SSBP3: variants seen among roughly 807,000 people sequenced by gnomAD.
The protein encoded by SSBP3 is single-stranded DNA-binding protein 3.
Under a neutral mutation model 69.6 loss-of-function variants are expected in SSBP3, and 5 were observed. That is an observed-to-expected ratio of 0.07 (90% CI 0.04 to 0.15). The LOEUF is 0.15. Ranked by LOEUF, SSBP3 falls within the 10% of genes least tolerant of loss-of-function variation. SSBP3 has a pLI of 1.00. For synonymous variants in SSBP3, 196 were observed against 193.4 expected (o/e 1.01, Z -0.11); for missense variants, 312 against 534.0 (o/e 0.58, Z 4.10).
intron 4 of SSBP3, among the ~76,000 whole-genome samples, chr1:54,327,866 T>C (rs1226996478): frequency 6.6e-6 from 1 of 152,202 alleles, no homozygotes; most frequent in Non-Finnish European, 1.5e-5. Context: ...AGGCACGCTC[T>C]AGCTGGGGCT....
At chr1:54,233,702 T>C (rs1302351300) in intron 14 of SSBP3, among the ~76,000 whole-genome samples, 12 of 124,438 alleles carry the variant, frequency 9.6e-5, no homozygotes, top group East Asian at 2.7e-4. Flanking sequence ...CCGCCCCGTC[T>C]GGGAGGGAGG....
intron 4 of SSBP3, among the ~76,000 whole-genome samples, chr1:54,378,744 TGGCCGGCG>T (rs1417815203): frequency 6.6e-6 from 1 of 151,444 alleles, no homozygotes; most frequent in East Asian, 1.9e-4. Context: ...CACTGGTGAG[TGGCCGGCG>T]GGCACAAAGG....
intron 13 of SSBP3, among the ~76,000 whole-genome samples, 155 bp downstream of exon 13, chr1:54,240,750 A>AC (rs1644620524): frequency 6.6e-6 from 1 of 151,794 alleles, no homozygotes; most frequent in South Asian, 2.1e-4. Context: ...TCATCAAGGG[A>AC]CCCCCTGCCC....
At chr1:54,232,637 T>C (rs1040874254) in intron 14 of SSBP3, among the ~76,000 whole-genome samples, 12 of 150,948 alleles carry the variant, frequency 7.9e-5, no homozygotes, top group Non-Finnish European at 1.5e-4. Context: ...CTCCCTCTCA[T>C]GCGGAGCCGA....
chr1:54,256,909 T>C (rs1644931515), intron 7 of SSBP3, among the ~76,000 whole-genome samples: 1 of 152,190 alleles, frequency 6.6e-6, no homozygotes, highest in Non-Finnish European at 1.5e-5. Flanking sequence ...TGGAATGGGC[T>C]GTCCAAAGGG....
At chr1:54,271,209 C>T (rs748427366) in intron 5 of SSBP3, among the ~76,000 whole-genome samples, 1 of 152,172 alleles carries the variant, frequency 6.6e-6, no homozygotes, top group Non-Finnish European at 1.5e-5. Context: ...CTCCAGGGCT[C>T]AAGCCATCCT....
chr1:54,298,301 T>A (rs1645737946), intron 4 of SSBP3, among the ~76,000 whole-genome samples: 1 of 151,930 alleles, frequency 6.6e-6, no homozygotes, highest in South Asian at 2.1e-4. Flanking sequence ...TGCCGTACGG[T>A]CACACGGAAG....
intron 13 of SSBP3, among the ~76,000 whole-genome samples, chr1:54,240,112 GCGCGCGCGCAA>G (rs1293364844): frequency 0.45 from 7,031 of 15,774 alleles, 339 homozygotes; most frequent in Middle Eastern, 0.54. Flanking sequence ...GTGCGTGCGC[GCGCGCGCGCAA>G]CACATGCCCA....
chr1:54,408,515 G>T (rs1285603049), upstream of SSBP3, among the ~76,000 whole-genome samples: 1 of 152,072 alleles, frequency 6.6e-6, no homozygotes, highest in Non-Finnish European at 1.5e-5. Context: ...GTATCGGTTT[G>T]GTCCTGGCTA....
intron 4 of SSBP3, among the ~76,000 whole-genome samples, chr1:54,336,748 TG>T (rs1335699045): frequency 6.6e-6 from 1 of 152,194 alleles, no homozygotes; most frequent in Non-Finnish European, 1.5e-5. Flanking sequence ...TTTGGCGTGC[TG>T]CAGCATCAGC....
At chr1:54,302,662 C>T (rs145558358) in intron 4 of SSBP3, among the ~76,000 whole-genome samples, 11 of 152,288 alleles carry the variant, frequency 7.2e-5, no homozygotes, top group African/African-American at 1.7e-4. Context: ...ACTTAGTGGG[C>T]GCTCAATAAA....
intron 4 of SSBP3, among the ~76,000 whole-genome samples, chr1:54,293,316 C>T (rs993608768): frequency 2.0e-5 from 3 of 151,986 alleles, no homozygotes; most frequent in Admixed American, 1.3e-4. Flanking sequence ...ATCGGAGGCA[C>T]GCGGGCTGGT....
At chr1:54,241,960 C>T (rs893298055) in intron 11 of SSBP3, among the ~76,000 whole-genome samples, 2 of 152,172 alleles carry the variant, frequency 1.3e-5, no homozygotes, top group African/African-American at 4.8e-5. Context: ...GCTGGCTGGG[C>T]AGGCAGGGCA....
chr1:54,354,617 G>C (rs149939293), intron 4 of SSBP3, among the ~76,000 whole-genome samples: 1 of 152,144 alleles, frequency 6.6e-6, no homozygotes, highest in African/African-American at 2.4e-5. Flanking sequence ...GCTTACAACC[G>C]AGATGGGGAG....
chr1:54,316,655 A>AT (rs1295878696), intron 4 of SSBP3, among the ~76,000 whole-genome samples: 1 of 52,322 alleles, frequency 1.9e-5, no homozygotes, highest in African/African-American at 1.2e-4. Flanking sequence ...CTCAAAAAAA[A>AT]AAAATAAAAT....
At chr1:54,262,356 C>T (rs72665904) in intron 5 of SSBP3, among the ~76,000 whole-genome samples, 8,284 of 152,222 alleles carry the variant, frequency 0.054, 320 homozygotes, top group South Asian at 0.21. Context: ...CTAACAGGGT[C>T]CTGGGTAGCC....
intron 4 of SSBP3, among the ~76,000 whole-genome samples, chr1:54,387,697 C>T (rs558526450): frequency 4.6e-5 from 7 of 152,190 alleles, no homozygotes; most frequent in South Asian, 2.1e-4. Flanking sequence ...AGTCAGTTAC[C>T]GAACAACTGT....
chr1:54,273,835 G>A (rs542192749), intron 5 of SSBP3, among the ~76,000 whole-genome samples: 5 of 152,328 alleles, frequency 3.3e-5, no homozygotes, highest in African/African-American at 4.8e-5. Context: ...AGGGGCTGCC[G>A]CTCCCAGAGC....
At position 54,266,256 on chromosome 1, in the gene SSBP3, G is replaced by A. The variant is rs61560707; in HGVS notation, c.367-8107C>T. ...GCACCAAGCTGCATACCAGGGCAAAGGCTGGTCTTGGCTGCAGCACAAGGA... is the reference window on the plus strand; with the variant it reads ...GCACCAAGCTGCATACCAGGGCAAAAGCTGGTCTTGGCTGCAGCACAAGGA... On this transcript the variant is annotated intron_variant, in intron 5 of 17. Coordinates refer to ENST00000610401, the Ensembl canonical transcript of SSBP3. Among the ~76,000 whole-genome samples the A allele has an allele frequency of 3.7e-3, 560 of 152,364 alleles. 4 individuals are homozygous for A. Among genetic ancestry groups the A allele is most frequent in the African/African-American group, 0.013 (531 of 41,576 alleles).
Sources: allele counts gnomAD v4.1 joint callset (sites outside exome capture counted in the v4.1 genomes callset), GRCh38; gene constraint gnomAD v4.1.1; transcripts MANE v1.5; gene names NCBI Gene and HGNC (gene_info 2026-07-23, HGNC 2026-07-21).